Variants in ETNPPL observed in about 807,000 individuals in gnomAD.
ETNPPL encodes the protein alanine--glyoxylate aminotransferase 2-like 1.
Under a neutral mutation model 55.5 loss-of-function variants are expected in ETNPPL, and 30 were observed. The observed-to-expected ratio is 0.54, with a 90% confidence interval of 0.40 to 0.73. ETNPPL has a LOEUF of 0.73. Ranked by LOEUF, ETNPPL falls within the 30% of genes least tolerant of loss-of-function variation. The probability of loss-of-function intolerance (pLI) is 0.00; values close to 1 mark genes in which losing one functional copy is unlikely to be tolerated. For synonymous variants in ETNPPL, 202 were observed against 207.2 expected, an observed-to-expected ratio of 0.98 and a Z score of 0.21; for missense variants, 528 against 607.9, an observed-to-expected ratio of 0.87 and a Z score of 1.38.
intron 3 of ETNPPL, among the ~76,000 whole-genome samples, chr4:108,759,272 G>A (rs371038680): frequency 2.7e-5 from 4 of 149,722 alleles, no homozygotes; most frequent in African/African-American, 9.8e-5. Context: ...GTTGTGGCGG[G>A]TGCCTGTAAT....
At chr4:108,748,281 T>G in intron 8 of ETNPPL, 122 bp from the exon 9 acceptor site, 1 of 618,792 alleles carries the variant, frequency 1.6e-6, no homozygotes, top group Non-Finnish European at 2.7e-6. Flanking sequence ...AAATGTTCTC[T>G]TATAATATTA....
At position 108,749,514 on chromosome 4, in the gene ETNPPL, A is replaced by G. The variant is rs778545562; in HGVS notation, c.702-51T>C. ...GCCTTCAGGTCACTGAGATCCCCAAACCCACCCACAAAGATGCAAATTATT... is the reference window on the plus strand; with the variant it reads ...GCCTTCAGGTCACTGAGATCCCCAAGCCCACCCACAAAGATGCAAATTATT... On this transcript the variant is annotated intron_variant, in intron 7 of 12. Coordinates refer to ENST00000296486, the MANE Select transcript of ETNPPL (RefSeq NM_031279.4). 6 of 1,350,660 alleles carry G rather than the reference A, an allele frequency of 4.4e-6. No homozygotes were observed. The East Asian group carries it at 1.4e-4, about 32-fold the overall frequency. 83.7% of individuals were successfully genotyped at this position (1,350,660 alleles called of 1,614,324 possible). A position where few individuals can be genotyped will look rare whatever the true frequency, so the allele number is the denominator to read the frequency against.
Position 108,762,908 on chromosome 4 carries a change from G to T in ETNPPL, c.-10C>A. The T allele has an allele frequency of 1.2e-6, 2 of 1,613,914 alleles. No individual in the cohort carries two copies. The highest frequency in any genetic ancestry group is 2.2e-5 in the South Asian group (2 of 91,088). The stretch of plus-strand genomic sequence containing the variant: ...TGTACAGCTCGCACATGGTGGCGGG[G>T]TGCAGGGCGCTGCGAAGGTGCAAGG... On this transcript the variant is annotated 5_prime_UTR_variant, in exon 1 of 13. Coordinates refer to ENST00000296486, the MANE Select transcript of ETNPPL (RefSeq NM_031279.4).
At chr4:108,743,877 T>C (rs758240548) in intron 11 of ETNPPL, 21 bp from the exon 12 acceptor site, 50 of 1,534,188 alleles carry the variant, frequency 3.3e-5, no homozygotes, top group Non-Finnish European at 3.6e-5. Context: ...GAAGGTATTA[T>C]GGAGAAGACA....
At chr4:108,743,953 G>A in intron 11 of ETNPPL, 97 bp from the exon 12 acceptor site, 1 of 783,308 alleles carries the variant, frequency 1.3e-6, no homozygotes, top group Non-Finnish European at 2.2e-6. Flanking sequence ...ATGAAGAATG[G>A]AAGGAAATGT....
chr4:108,759,805 T>C lies in ETNPPL; in HGVS notation c.279A>G (p.Lys93=). ...TCTCCGGCAGAGTTGCTGAAAGGCG[T>C]TTGGCATACTCAACAATGTTGTCGT... is the stretch of plus-strand genomic sequence containing the variant. The part of the protein sequence containing the change: ...FLHDNIVEYA[K]RLSATLPEKL... Residue 93 remains lysine, a synonymous_variant, in exon 3 of 13, where the codon AAA becomes AAG. Transcript: ENST00000296486. The C allele has an allele frequency of 6.2e-7, 1 of 1,614,150 alleles. No homozygotes were observed. The highest frequency in any genetic ancestry group is 2.2e-5 in the East Asian group (1 of 44,882).
At chr4:108,748,626 G>T (rs570984854) in intron 8 of ETNPPL, among the ~76,000 whole-genome samples, 1 of 152,028 alleles carries the variant, frequency 6.6e-6, no homozygotes, top group Admixed American at 6.6e-5. Context: ...ATTTTTCCAA[G>T]CTTAAAGCTT....
At chr4:108,744,116 C>T (rs1560647523) in intron 11 of ETNPPL, among the ~76,000 whole-genome samples, 1 of 152,074 alleles carries the variant, frequency 6.6e-6, no homozygotes, top group East Asian at 1.9e-4. Flanking sequence ...CAAAAATTAG[C>T]CGGATGTGGT....
At chr4:108,747,605 C>T (rs1254511044) in intron 9 of ETNPPL, among the ~76,000 whole-genome samples, 3 of 151,798 alleles carry the variant, frequency 2.0e-5, no homozygotes. Flanking sequence ...CGGCCCCACC[C>T]AAATGTTAAC....
chr4:108,759,766 A>G lies in ETNPPL; in HGVS notation c.318T>C (p.Cys106=). The G allele has an allele frequency of 6.2e-7, 1 of 1,614,144 alleles. No individual in the cohort carries two copies. The highest frequency in any genetic ancestry group is 8.5e-7 in the Non-Finnish European group (1 of 1,180,008). ...AAGCATACCCTGAATTTGTAAAATAACAAACAGAGAGTTTCTCCGGCAGAG... is the reference window on the plus strand; with the variant it reads ...AAGCATACCCTGAATTTGTAAAATAGCAAACAGAGAGTTTCTCCGGCAGAG... ...SATLPEKLSV[C]YFTNSGSEAN... is the part of the protein sequence containing the mutation. Residue 106 remains cysteine (C), a synonymous_variant, in exon 3 of 13, where the codon TGT becomes TGC. Coordinates refer to ENST00000296486, the MANE Select transcript of ETNPPL (RefSeq NM_031279.4).
chr4:108,750,252 T>C (rs972670710), intron 7 of ETNPPL, among the ~76,000 whole-genome samples: 33 of 152,074 alleles, frequency 2.2e-4, no homozygotes, highest in African/African-American at 8.0e-4. Flanking sequence ...GATCCATGCT[T>C]AATCTGGTGG....
At chr4:108,755,946 T>C (rs1414102877) in intron 4 of ETNPPL, among the ~76,000 whole-genome samples, 1 of 152,250 alleles carries the variant, frequency 6.6e-6, no homozygotes, top group Admixed American at 6.5e-5. Context: ...TACAGGCTAA[T>C]GAAAAAGTTT....
intron 12 of ETNPPL, 150 bp from the exon 13 acceptor site, chr4:108,742,762 T>G: frequency 2.6e-6 from 2 of 774,274 alleles, no homozygotes; most frequent in Non-Finnish European, 4.1e-6. Context: ...CTCCTCAGTA[T>G]CTTCAATAGA....
In ETNPPL at chr4:108,760,994, G is replaced by A. The variant is rs999630184; in HGVS notation, c.57-688C>T. Among the ~76,000 whole-genome samples, 39 of 152,104 alleles carry A rather than the reference G, an allele frequency of 2.6e-4. 1 individual carries two copies. Among genetic ancestry groups the A allele is most frequent in the Non-Finnish European group, 1.0e-4 (7 of 68,018 alleles). ...TTTTATAGATTATTTTCATTTTCATGTATTTTGAGTGGTACTTGTCCAGTA... is the reference window on the plus strand; with the variant it reads ...TTTTATAGATTATTTTCATTTTCATATATTTTGAGTGGTACTTGTCCAGTA... On this transcript the variant is annotated intron_variant, in intron 1 of 12. Transcript: ENST00000296486.
At chr4:108,759,271 G>A (rs368543328) in intron 3 of ETNPPL, among the ~76,000 whole-genome samples, 2 of 150,498 alleles carry the variant, frequency 1.3e-5, no homozygotes, top group South Asian at 2.1e-4. Context: ...CGTTGTGGCG[G>A]GTGCCTGTAA....
rs946669389 is a variant in ETNPPL, at chr4:108,746,770, G to A, written c.1164C>T (p.Ile388=). 4 of 1,613,550 alleles carry A rather than the reference G, an allele frequency of 2.5e-6. No individual in the cohort carries two copies. The African/African-American group carries it at 4.0e-5, about 16-fold the overall frequency. ...RTPATAEAQH[I]IYKMKEKRVL... Reference sequence around the variant, plus strand: ...GTGTGGGGGTGAATTACTTGTAGATGATGTGCTGAGCTTCAGCTGTGGCAG... The same window carrying A: ...GTGTGGGGGTGAATTACTTGTAGATAATGTGCTGAGCTTCAGCTGTGGCAG... Residue 388 remains isoleucine (I), a synonymous_variant, in exon 10 of 13, where the codon ATC becomes ATT. Transcript: ENST00000296486.
rs1164661418 is a variant in ETNPPL, at chr4:108,750,614, G to GATATATATTTTAT, written c.701+321_701+322insATAAAATATATAT. ...GATATATCATATATGATATATATAGGATATATATATATCCTATTAGTTTGG... is the reference window on the plus strand; with the variant it reads ...GATATATCATATATGATATATATAGGATATATATTTTATATATATATATATCCTATTAGTTTGG... On this transcript the variant is annotated intron_variant, in intron 7 of 12. Transcript: ENST00000296486. Among the ~76,000 whole-genome samples the GATATATATTTTAT allele has an allele frequency of 1.8e-3, 221 of 121,652 alleles. 16 individuals carry two copies. Among genetic ancestry groups the GATATATATTTTAT allele is most frequent in the African/African-American group, 6.8e-3 (209 of 30,712 alleles). The allele number at this position is 121,652 out of a possible 152,430, so 79.8% of individuals were successfully genotyped here. A position where few individuals can be genotyped will look rare whatever the true frequency, so the allele number is the denominator to read the frequency against.
chr4:108,752,259 A>G (rs1728950408), intron 6 of ETNPPL, among the ~76,000 whole-genome samples: 1 of 152,184 alleles, frequency 6.6e-6, no homozygotes, highest in Non-Finnish European at 1.5e-5. Context: ...CTATAAGCCA[A>G]TTTTAAGGCA....
At chr4:108,753,787 A>AT (rs1485630087) in intron 5 of ETNPPL, among the ~76,000 whole-genome samples, 32 of 124,248 alleles carry the variant, frequency 2.6e-4, no homozygotes, top group South Asian at 1.3e-3. Context: ...AAAGAAAGAA[A>AT]GAAAGAAAGA....
Sources: gnomAD v4.1 joint callset for allele counts (sites outside exome capture counted in the v4.1 genomes callset) on GRCh38, gnomAD v4.1.1 for gene constraint, MANE v1.5 for transcripts, NCBI Gene and HGNC (gene_info 2026-07-23, HGNC 2026-07-21) for gene names.